FRMD6: variants seen among roughly 807,000 people sequenced by gnomAD.
FRMD6 encodes the protein FERM domain-containing protein 6.
Under a neutral mutation model 73.2 loss-of-function variants are expected in FRMD6, and 37 were observed. The observed-to-expected ratio is 0.51, with a 90% CI of 0.39 to 0.66. The LOEUF (loss-of-function observed/expected upper bound fraction) is 0.66. Among genes scored for constraint, FRMD6 ranks in the 30% least tolerant of loss-of-function variants. The probability of loss-of-function intolerance (pLI) is 0.00; values close to 1 mark genes in which losing one functional copy is unlikely to be tolerated. For synonymous variants in FRMD6, 273 were observed against 282.2 expected (o/e 0.97, Z 0.33); for missense variants, 714 against 780.5 (o/e 0.91, Z 1.02).
the FRMD6 span, among the ~76,000 whole-genome samples, chr14:51,399,212 A>T: frequency 6.6e-6 from 1 of 152,054 alleles, no homozygotes; most frequent in African/African-American, 2.4e-5. Context: ...TTCCTTAAAC[A>T]TTGCATTCAG....
chr14:51,405,943 C>T, the FRMD6 span, among the ~76,000 whole-genome samples: 14 of 152,128 alleles, frequency 9.2e-5, no homozygotes, highest in African/African-American at 3.4e-4. Flanking sequence ...CCTAGGTTGT[C>T]TTCCAGGGTT....
intron 1 of FRMD6, among the ~76,000 whole-genome samples, chr14:51,568,850 T>C (rs1190096491): frequency 6.6e-6 from 1 of 151,636 alleles, no homozygotes; most frequent in Non-Finnish European, 1.5e-5. Flanking sequence ...TTTTACTTTT[T>C]TTTTTTTTTT....
chr14:51,730,492 A>G lies in FRMD6; in HGVS notation c.*2463A>G, dbSNP rs537810988. ...TTTATTCTGCATTTCTTACATATCTATCGCTTGTCAGTATACCCGTTTTGG... is the reference window on the plus strand; with the variant it reads ...TTTATTCTGCATTTCTTACATATCTGTCGCTTGTCAGTATACCCGTTTTGG... On this transcript the variant is annotated 3_prime_UTR_variant, in exon 14 of 14. Coordinates refer to ENST00000344768, the MANE Select transcript of FRMD6 (RefSeq NM_001267046.2). 12 of 152,730 alleles carry G rather than the reference A, an allele frequency of 7.9e-5. No individual in the cohort carries two copies. The highest frequency in any genetic ancestry group is 4.1e-4 in the South Asian group (2 of 4,828). The allele number at this position is 152,730 out of a possible 1,614,324, so 9.5% of individuals were successfully genotyped here. A position where few individuals can be genotyped will look rare whatever the true frequency, so the allele number is the denominator to read the frequency against.
intron 1 of FRMD6, among the ~76,000 whole-genome samples, chr14:51,549,670 A>G (rs1360990215): frequency 8.1e-6 from 1 of 122,778 alleles, no homozygotes; most frequent in East Asian, 2.3e-4. Context: ...CTCTCAGCTC[A>G]CTGCAGGCTC....
At chr14:51,567,070 G>A (rs540783923) in intron 1 of FRMD6, among the ~76,000 whole-genome samples, 67 of 152,324 alleles carry the variant, frequency 4.4e-4, no homozygotes, top group Middle Eastern at 6.8e-3. Flanking sequence ...TGGGGAAGGA[G>A]TAGTTAGTGC....
intron 2 of FRMD6, among the ~76,000 whole-genome samples, chr14:51,607,899 A>G: frequency 6.6e-6 from 1 of 152,170 alleles, no homozygotes; most frequent in Non-Finnish European, 1.5e-5. Flanking sequence ...CCCATCTCAC[A>G]GTCACAGCAC....
At chr14:51,669,403 A>G (rs1893835772) in intron 1 of FRMD6, among the ~76,000 whole-genome samples, 1 of 152,220 alleles carries the variant, frequency 6.6e-6, no homozygotes, top group African/African-American at 2.4e-5. Context: ...TGAGTTGTAT[A>G]GTAAGTGAAT....
chr14:51,421,030 T>C, the FRMD6 span, among the ~76,000 whole-genome samples: 1,966 of 152,200 alleles, frequency 0.013, 42 homozygotes, highest in African/African-American at 0.045. Flanking sequence ...ACCCCCTCAG[T>C]CTCCCAAAGT....
intron 1 of FRMD6, among the ~76,000 whole-genome samples, chr14:51,660,001 A>G (rs1893101275): frequency 6.6e-6 from 1 of 152,354 alleles, no homozygotes; most frequent in African/African-American, 2.4e-5. Flanking sequence ...CAGCTAAAAA[A>G]GGTACAGGAT....
At chr14:51,535,041 C>CA (rs1885800393) in intron 1 of FRMD6, among the ~76,000 whole-genome samples, 1 of 152,306 alleles carries the variant, frequency 6.6e-6, no homozygotes, top group South Asian at 2.1e-4. Flanking sequence ...GTGAACTACT[C>CA]AGATATTTTG....
chr14:51,472,078 C>A, the FRMD6 span, among the ~76,000 whole-genome samples: 1 of 152,070 alleles, frequency 6.6e-6, no homozygotes, highest in African/African-American at 2.4e-5. Context: ...GCCTCTAGAA[C>A]GGTTAGAAAT....
the FRMD6 span, among the ~76,000 whole-genome samples, chr14:51,478,729 TG>T: frequency 9.1e-4 from 139 of 152,330 alleles, 1 homozygote; most frequent in African/African-American, 2.4e-3. Flanking sequence ...AGACATATTT[TG>T]GTATCCTTAA....
intron 1 of FRMD6, among the ~76,000 whole-genome samples, chr14:51,655,063 G>A (rs1461895379): frequency 6.7e-6 from 1 of 148,360 alleles, no homozygotes; most frequent in East Asian, 2.0e-4. Context: ...AAAAAAAAAA[G>A]TTTTAAGTGT....
intron 1 of FRMD6, among the ~76,000 whole-genome samples, chr14:51,671,376 CTT>C (rs1555333984): frequency 6.6e-6 from 1 of 152,076 alleles, no homozygotes; most frequent in Non-Finnish European, 1.5e-5. Flanking sequence ...CTAGAATTTT[CTT>C]TGTCATAAAA....
intron 3 of FRMD6, among the ~76,000 whole-genome samples, chr14:51,698,791 T>A (rs116098325): frequency 0.013 from 2,006 of 152,218 alleles, 54 homozygotes; most frequent in African/African-American, 0.046. Flanking sequence ...AGAAGATTTT[T>A]AAGTAAAGGA....
rs1350329657 is a variant in FRMD6, at chr14:51,708,210, G to A, written c.691G>A (p.Val231Ile). The A allele has an allele frequency of 6.2e-7, 1 of 1,612,996 alleles. No individual in the cohort carries two copies. The change falls in exon 7 of 14, where the codon GTT becomes ATT. Residue 231 changes from valine (V) to isoleucine (I), a missense_variant. Coordinates refer to ENST00000344768, the MANE Select transcript of FRMD6 (RefSeq NM_001267046.2). ...KEAVRLDDVA[V>I]HYYRLYKDKR... ...GGCTGTCCGACTGGATGACGTCGCT[G>A]TTCATTACTACAGATTGTATAAGGT...
upstream of FRMD6, among the ~76,000 whole-genome samples, chr14:51,647,088 A>G (rs1235970530): frequency 1.3e-5 from 2 of 152,196 alleles, no homozygotes; most frequent in Admixed American, 1.3e-4. Context: ...GTAGTTCTTT[A>G]AATACATCCC....
the FRMD6 span, among the ~76,000 whole-genome samples, chr14:51,478,000 A>G: frequency 1.3e-5 from 2 of 151,962 alleles, no homozygotes; most frequent in Non-Finnish European, 2.9e-5. Flanking sequence ...AGCCTCCCAA[A>G]GTGCTAGGAT....
the FRMD6 span, among the ~76,000 whole-genome samples, chr14:51,437,688 G>C: frequency 6.6e-6 from 1 of 152,020 alleles, no homozygotes; most frequent in Admixed American, 6.6e-5. Flanking sequence ...CTTGTGCTCA[G>C]TCGCCCTGTT....
Sources: gnomAD v4.1 joint callset for allele counts (sites outside exome capture counted in the v4.1 genomes callset) on GRCh38, gnomAD v4.1.1 for gene constraint, MANE v1.5 for transcripts, NCBI Gene and HGNC (gene_info 2026-07-23, HGNC 2026-07-21) for gene names.